Variants in ATRNL1 observed in about 807,000 individuals in gnomAD.
ATRNL1 encodes the protein attractin-like protein 1.
In ATRNL1, 95 loss-of-function variants were observed where a neutral mutation model predicts 182.7. The observed-to-expected ratio is 0.52, with a 90% CI of 0.44 to 0.62. The LOEUF is 0.62. ATRNL1 is among the 20% of genes least tolerant of loss of function. The pLI, the probability that ATRNL1 is intolerant of heterozygous loss-of-function variation, is 0.00. For synonymous variants in ATRNL1, 576 were observed against 568.3 expected, an observed-to-expected ratio of 1.01 and a Z score of -0.19; for missense variants, 1,471 against 1,679.5, an observed-to-expected ratio of 0.88 and a Z score of 2.17.
chr10:115,227,839 C>T (rs1462674182), intron 9 of ATRNL1, among the ~76,000 whole-genome samples: 2 of 151,960 alleles, frequency 1.3e-5, no homozygotes, highest in African/African-American at 2.4e-5. Context: ...ATAAATCAGA[C>T]ATAAAAGAAA....
At chr10:115,380,020 C>T (rs955373415) in intron 19 of ATRNL1, among the ~76,000 whole-genome samples, 7 of 152,032 alleles carry the variant, frequency 4.6e-5, no homozygotes, top group Admixed American at 2.0e-4. Context: ...TTAGTAGAGA[C>T]GGGGTTTCAC....
chr10:115,126,759 T>G (rs1844992528), intron 3 of ATRNL1, among the ~76,000 whole-genome samples: 1 of 152,206 alleles, frequency 6.6e-6, no homozygotes, highest in Non-Finnish European at 1.5e-5. Flanking sequence ...GAATTGACCG[T>G]GTCGAGTTAT....
intron 26 of ATRNL1, among the ~76,000 whole-genome samples, chr10:115,697,636 A>G (rs1470420545): frequency 6.6e-6 from 1 of 152,062 alleles, no homozygotes; most frequent in Non-Finnish European, 1.5e-5. Flanking sequence ...TATTTTTTTA[A>G]TCAATAAAAA....
intron 26 of ATRNL1, among the ~76,000 whole-genome samples, chr10:115,726,609 TG>T (rs2134058316): frequency 6.6e-6 from 1 of 152,310 alleles, no homozygotes; most frequent in South Asian, 2.1e-4. Context: ...AACAAGTATC[TG>T]GGGGTGCTGT....
chr10:115,766,349 C>T (rs1199240629), intron 27 of ATRNL1, among the ~76,000 whole-genome samples: 1 of 152,280 alleles, frequency 6.6e-6, no homozygotes, highest in East Asian at 1.9e-4. Context: ...AAGGTATGTG[C>T]TGTAGGCTGT....
intron 20 of ATRNL1, among the ~76,000 whole-genome samples, chr10:115,401,449 A>G (rs1042293869): frequency 6.6e-6 from 1 of 152,074 alleles, no homozygotes; most frequent in South Asian, 2.1e-4. Flanking sequence ...CCCAGTCAAG[A>G]TGGCAAATCA....
chr10:115,529,901 C>A (rs1341208721), intron 25 of ATRNL1, among the ~76,000 whole-genome samples: 1 of 152,104 alleles, frequency 6.6e-6, no homozygotes, highest in Non-Finnish European at 1.5e-5. Context: ...CTTTTACATA[C>A]CCCTAGTTCT....
In ATRNL1 at chr10:115,890,728, G is replaced by A. The variant is rs530420521; in HGVS notation, c.4018+42737G>A. On this transcript the variant is annotated intron_variant, in intron 28 of 28. Transcript: ENST00000355044. The stretch of plus-strand genomic sequence containing the variant: ...TTTAGGTCCTAAGAAATATAGCCCC[G>A]TAATGATGCCTACTCATATGCAGAG... 5.9e-5 allele frequency among the ~76,000 whole-genome samples: 9 copies of A among 152,244 alleles called. No individual in the cohort carries two copies. The East Asian group carries it at 7.7e-4, about 13-fold the overall frequency.
intron 24 of ATRNL1, among the ~76,000 whole-genome samples, chr10:115,473,243 T>A (rs1848386970): frequency 6.6e-6 from 1 of 151,320 alleles, no homozygotes; most frequent in Non-Finnish European, 1.5e-5. Flanking sequence ...TCAAATGTGG[T>A]TGGCTAGCAT....
intron 14 of ATRNL1, among the ~76,000 whole-genome samples, chr10:115,285,899 A>T (rs979732247): frequency 6.6e-5 from 10 of 151,986 alleles, no homozygotes; most frequent in African/African-American, 2.4e-4. Context: ...TTGGGACATA[A>T]ATATAGTAGT....
intron 3 of ATRNL1, among the ~76,000 whole-genome samples, chr10:115,123,352 A>G (rs1308624586): frequency 6.6e-6 from 1 of 152,196 alleles, no homozygotes; most frequent in Non-Finnish European, 1.5e-5. Context: ...TGACATTCAG[A>G]GAAGTTATTT....
chr10:115,596,731 G>C (rs182742078), intron 26 of ATRNL1, among the ~76,000 whole-genome samples: 1 of 152,092 alleles, frequency 6.6e-6, no homozygotes, highest in African/African-American at 2.4e-5. Context: ...TGGGAAGTTT[G>C]TATGTAGAAA....
chr10:115,177,904 TTTTTTTTG>T (rs1228064677), intron 8 of ATRNL1, among the ~76,000 whole-genome samples: 2 of 83,528 alleles, frequency 2.4e-5, no homozygotes, highest in African/African-American at 7.0e-5. Context: ...TGTTTTTTTG[TTTTTTTTG>T]TTTTTTTTTT....
intron 26 of ATRNL1, among the ~76,000 whole-genome samples, chr10:115,620,204 C>A (rs1857653379): frequency 6.6e-6 from 1 of 152,034 alleles, no homozygotes; most frequent in South Asian, 2.1e-4. Context: ...GCATGCCTGT[C>A]ACATAGGTAA....
intron 11 of ATRNL1, 91 bp downstream of exon 11, chr10:115,265,368 G>A: frequency 4.1e-6 from 3 of 727,604 alleles, no homozygotes; most frequent in Non-Finnish European, 6.8e-6. Context: ...AATTATCATT[G>A]GTACTTAATG....
intron 27 of ATRNL1, among the ~76,000 whole-genome samples, chr10:115,780,806 G>A (rs1949247237): frequency 6.6e-6 from 1 of 152,152 alleles, no homozygotes; most frequent in South Asian, 2.1e-4. Flanking sequence ...AACCAGCAGT[G>A]ATGCTGTGGG....
rs927018340 is a variant in ATRNL1, at chr10:115,948,353, G to A, written c.*3574G>A. 3.3e-5 allele frequency: 5 copies of A among 152,152 alleles called. No individual in the cohort carries two copies. Among genetic ancestry groups the A allele is most frequent in the Admixed American group, 3.3e-4 (5 of 15,280 alleles). 9.4% of individuals were successfully genotyped at this position (152,152 alleles called of 1,614,324 possible). ...AACATAAAACTATGATTTGAAAGGT[G>A]TCTTATATTTAAAAAAGATTGTAAA... On this transcript the variant is annotated 3_prime_UTR_variant, in exon 29 of 29. Transcript: ENST00000355044.
intron 27 of ATRNL1, among the ~76,000 whole-genome samples, chr10:115,732,987 A>G (rs1947844901): frequency 6.6e-6 from 1 of 152,204 alleles, no homozygotes; most frequent in Admixed American, 6.5e-5. Flanking sequence ...CTATAAAGAA[A>G]TCAAAGTGAC....
intron 5 of ATRNL1, among the ~76,000 whole-genome samples, chr10:115,154,795 A>G (rs7897375): frequency 0.025 from 3,784 of 152,184 alleles, 158 homozygotes; most frequent in African/African-American, 0.086. Context: ...GAAGTCCCCA[A>G]CTGTTATTTT....
Sources: gnomAD v4.1 joint callset for allele counts (sites outside exome capture counted in the v4.1 genomes callset) on GRCh38, gnomAD v4.1.1 for gene constraint, MANE v1.5 for transcripts, NCBI Gene and HGNC (gene_info 2026-07-23, HGNC 2026-07-21) for gene names.